Variants in MACROD1 observed in about 807,000 individuals in gnomAD.
The protein encoded by MACROD1 is ADP-ribose glycohydrolase MACROD1.
Under a neutral mutation model 41.4 loss-of-function variants are expected in MACROD1, and 31 were observed. The ratio of observed to expected loss-of-function variants is 0.75; its 90% CI spans 0.56 to 1.01. The LOEUF (loss-of-function observed/expected upper bound fraction) is 1.01, where lower values mean the gene tolerates loss of function less well. Ranked by LOEUF, MACROD1 falls within the 50% of genes least tolerant of loss-of-function variation. MACROD1 has a pLI of 0.00. For synonymous variants in MACROD1, 252 were observed against 203.4 expected (o/e 1.24, Z -2.03); for missense variants, 473 against 460.0 (o/e 1.03, Z -0.26).
chr11:64,144,089 C>T (rs1162167977), intron 3 of MACROD1, among the ~76,000 whole-genome samples: 1 of 151,720 alleles, frequency 6.6e-6, no homozygotes, highest in Admixed American at 6.6e-5. Context: ...CCAAGCCCCC[C>T]CAACTCAGGC....
intron 3 of MACROD1, among the ~76,000 whole-genome samples, chr11:64,035,568 C>G (rs1341472457): frequency 6.8e-6 from 1 of 147,346 alleles, no homozygotes; most frequent in Admixed American, 6.7e-5. Flanking sequence ...TCGGCTCCCC[C>G]ACCCGCCCTT....
rs745722981 is a variant in MACROD1, at chr11:63,999,354, A to T, written c.868T>A (p.Trp290Arg). The T allele has an allele frequency of 5.4e-5, 85 of 1,587,772 alleles. No homozygotes were observed. The highest frequency in any genetic ancestry group is 7.1e-5 in the Non-Finnish European group (83 of 1,172,820). ...ACCTTGTCCTTGTGCTGCTCCAGCC[A>T]CTCTCGCAGCGTGGCCAGCACGATC... is the stretch of plus-strand genomic sequence containing the variant. Reference protein sequence around the residue: ...AEIVLATLREWLEQHKDKVDR... With the variant: ...AEIVLATLRERLEQHKDKVDR... Residue 290 changes from tryptophan (W) to arginine (R), a missense_variant, in exon 8 of 11, where the codon TGG becomes AGG. By Grantham distance (101) the Trp-to-Arg change is moderately radical. Transcript: ENST00000255681.
chr11:64,126,230 G>A (rs11231701), intron 3 of MACROD1, among the ~76,000 whole-genome samples: 25,041 of 152,172 alleles, frequency 0.16, 2,308 homozygotes, highest in Admixed American at 0.28. Flanking sequence ...GCCGCCAGGG[G>A]GTTCCGAGGA....
chr11:64,142,154 G>T (rs1429975612), intron 3 of MACROD1, among the ~76,000 whole-genome samples: 2 of 152,182 alleles, frequency 1.3e-5, no homozygotes, highest in East Asian at 3.9e-4. Context: ...GCAGGAAGAG[G>T]GGACTTAGAG....
At chr11:64,045,597 G>A (rs1326424354) in intron 3 of MACROD1, among the ~76,000 whole-genome samples, 2 of 152,144 alleles carry the variant, frequency 1.3e-5, no homozygotes, top group South Asian at 2.1e-4. Flanking sequence ...GAGCAGCGGC[G>A]TTCAGCTGGG....
intron 3 of MACROD1, among the ~76,000 whole-genome samples, chr11:64,144,942 C>G (rs749663517): frequency 6.6e-6 from 1 of 152,250 alleles, no homozygotes; most frequent in Non-Finnish European, 1.5e-5. Flanking sequence ...AAATCACTGA[C>G]TCCAAGCAGT....
chr11:64,106,120 G>A (rs1944758526), intron 3 of MACROD1, among the ~76,000 whole-genome samples: 1 of 152,206 alleles, frequency 6.6e-6, no homozygotes, highest in African/African-American at 2.4e-5. Flanking sequence ...TTTGGGGTCA[G>A]AGAGGTCCCG....
intron 3 of MACROD1, among the ~76,000 whole-genome samples, chr11:64,079,291 G>A (rs1023167040): frequency 6.6e-6 from 1 of 152,082 alleles, no homozygotes; most frequent in Non-Finnish European, 1.5e-5. Context: ...TGCAGCTGGC[G>A]CTGCAGATGC....
At chr11:64,071,407 G>A (rs1248304704) in intron 3 of MACROD1, among the ~76,000 whole-genome samples, 4 of 152,150 alleles carry the variant, frequency 2.6e-5, no homozygotes, top group Admixed American at 1.3e-4. Flanking sequence ...TGAAACTCAC[G>A]GATGGAGACC....
intron 3 of MACROD1, among the ~76,000 whole-genome samples, chr11:64,048,209 G>A (rs550132500): frequency 1.3e-5 from 2 of 152,362 alleles, no homozygotes; most frequent in African/African-American, 4.8e-5. Flanking sequence ...AGAGCCGGGG[G>A]CCTTCGAGGA....
chr11:64,165,532 G>C (rs577873692), intron 1 of MACROD1, among the ~76,000 whole-genome samples, 165 bp downstream of exon 1: 13 of 152,280 alleles, frequency 8.5e-5, no homozygotes, highest in South Asian at 4.1e-4. Flanking sequence ...GCGGGGGCGG[G>C]GGGGGCTGTC....
At chr11:64,119,565 G>C (rs1945060781) in intron 3 of MACROD1, among the ~76,000 whole-genome samples, 2 of 151,970 alleles carry the variant, frequency 1.3e-5, no homozygotes, top group South Asian at 4.2e-4. Context: ...TTCCATGGCT[G>C]CTCAAACAAA....
chr11:64,051,698 C>T (rs1236767724), intron 3 of MACROD1, among the ~76,000 whole-genome samples: 2 of 152,074 alleles, frequency 1.3e-5, no homozygotes, highest in East Asian at 1.9e-4. Flanking sequence ...GGGCAGGGGC[C>T]GAGGTTGGTG....
chr11:63,999,731 C>G lies in MACROD1; in HGVS notation c.697G>C (p.Gly233Arg). The G allele has an allele frequency of 1.2e-6, 2 of 1,607,866 alleles. No individual in the cohort carries two copies. The highest frequency in any genetic ancestry group is 1.1e-5 in the South Asian group (1 of 90,594). Residue 233 changes from glycine to arginine, a missense_variant, in exon 6 of 11, where the codon GGG (glycine) becomes CGG (arginine). By Grantham distance (125) the Gly-to-Arg change is moderately radical (BLOSUM62 -2). Transcript: ENST00000255681. ...VIHTVGPIAY[G>R]EPSASQAAEL... The stretch of plus-strand genomic sequence containing the variant: ...GCAGCCTGACTGGCGCTGGGCTCCC[C>G]GTAGGCGATGGGCCCCACTGTGTGG...
At chr11:64,040,222 C>T (rs899294288) in intron 3 of MACROD1, among the ~76,000 whole-genome samples, 1 of 147,482 alleles carries the variant, frequency 6.8e-6, no homozygotes, top group African/African-American at 2.5e-5. Flanking sequence ...TCTGAAGGCG[C>T]AAAGTGGTGA....
At chr11:64,001,294 G>C in intron 4 of MACROD1, 1 of 624,344 alleles carries the variant, frequency 1.6e-6, no homozygotes. Flanking sequence ...CTGGAATACC[G>C]GGACAGCGAC....
At chr11:64,125,044 T>C (rs1945157681) in intron 3 of MACROD1, among the ~76,000 whole-genome samples, 1 of 152,108 alleles carries the variant, frequency 6.6e-6, no homozygotes, top group Non-Finnish European at 1.5e-5. Flanking sequence ...CTGCTTCTGG[T>C]ACCTGCTGGA....
Position 64,090,437 on chromosome 11 carries a change from G to A in MACROD1, c.517+60802C>T, listed in dbSNP as rs906375357. Reference sequence around the variant, plus strand: ...CAACTCACCTCCAGCCCGGGCAGCAGTGGGTCGATAATAATTTACGAGGCA... The same window carrying A: ...CAACTCACCTCCAGCCCGGGCAGCAATGGGTCGATAATAATTTACGAGGCA... On this transcript the variant is annotated intron_variant, in intron 3 of 10. Coordinates refer to ENST00000255681, the MANE Select transcript of MACROD1 (RefSeq NM_014067.4). This position sits in a 1 kb window ranked among gnomAD's most constrained non-coding sequence, Gnocchi z 4.7. 1.3e-5 allele frequency among the ~76,000 whole-genome samples: 2 copies of A among 152,232 alleles called. No homozygotes were observed. The highest frequency in any genetic ancestry group is 2.9e-5 in the Non-Finnish European group (2 of 68,028).
intron 3 of MACROD1, among the ~76,000 whole-genome samples, chr11:64,097,271 C>T (rs1223245402): frequency 3.3e-5 from 5 of 152,254 alleles, no homozygotes; most frequent in Non-Finnish European, 7.3e-5. Context: ...CAGGTGGCTA[C>T]GGTCTGCGCC....
Sources: allele counts gnomAD v4.1 joint callset (sites outside exome capture counted in the v4.1 genomes callset), GRCh38; gene constraint gnomAD v4.1.1; non-coding constraint Gnocchi (gnomAD v3.1); transcripts MANE v1.5; gene names NCBI Gene and HGNC (gene_info 2026-07-23, HGNC 2026-07-21).